The following GRAMD4 variants were observed in gnomAD, a reference collection of about 807,000 sequenced individuals.
The protein encoded by GRAMD4 is GRAM domain-containing protein 4.
In GRAMD4, 25 loss-of-function variants were observed where a neutral mutation model predicts 83.9. The observed-to-expected ratio is 0.30, with a 90% CI of 0.22 to 0.42. The LOEUF is 0.42. GRAMD4 is among the 10% of genes least tolerant of loss of function. GRAMD4 has a pLI of 1.00. For missense variants in GRAMD4, 593 were observed against 788.7 expected (o/e 0.75, Z 2.97); for synonymous variants, 336 against 320.9 (o/e 1.05, Z -0.50).
At chr22:46,682,661 T>G (rs182353809), downstream of GRAMD4, among the ~76,000 whole-genome samples, 54 of 152,374 alleles carry the variant, frequency 3.5e-4, no homozygotes, top group African/African-American at 1.2e-3. Context: ...AGTGTTGCCT[T>G]TATCGCGAAC....
rs540847229 is a variant in GRAMD4 at position 46,665,541 on chromosome 22, G to C, written c.718-74G>C. On this transcript the variant is annotated intron_variant, in intron 8 of 18. Coordinates refer to ENST00000406902, the MANE Select transcript of GRAMD4 (RefSeq NM_015124.5). ...TCTCCCCACTGGGGCCGCCTGGTGG[G>C]GGGAGGCGGGAGGGATGTGCCTTGT... The C allele has an allele frequency of 3.6e-5, 29 of 797,798 alleles. No homozygotes were observed. The African/African-American group carries it at 4.4e-4, about 12-fold the overall frequency. 49.4% of individuals were successfully genotyped at this position (797,798 alleles called of 1,614,324 possible). A position where few individuals can be genotyped will look rare whatever the true frequency, so the allele number is the denominator to read the frequency against.
chr22:46,654,965 A>G (rs979518250), intron 3 of GRAMD4, among the ~76,000 whole-genome samples: 1 of 152,192 alleles, frequency 6.6e-6, no homozygotes, highest in South Asian at 2.1e-4. Context: ...CATGTCCCCA[A>G]GAGGAAAGAG....
intron 3 of GRAMD4, among the ~76,000 whole-genome samples, chr22:46,641,576 C>G (rs946583546): frequency 1.3e-5 from 2 of 152,112 alleles, no homozygotes; most frequent in African/African-American, 4.8e-5. Flanking sequence ...CTTGGTAGAC[C>G]AGGTCACCTG....
intron 13 of GRAMD4, 76 bp downstream of exon 13, chr22:46,668,984 G>T (rs1356104794): frequency 3.7e-6 from 3 of 817,198 alleles, no homozygotes; most frequent in Non-Finnish European, 6.3e-6. Context: ...TGTCTGCCAG[G>T]TGTCTGCAAG....
intron 5 of GRAMD4, among the ~76,000 whole-genome samples, chr22:46,661,965 A>G (rs1455906432): frequency 6.6e-6 from 1 of 152,176 alleles, no homozygotes; most frequent in Non-Finnish European, 1.5e-5. Context: ...AGTTCCCTGT[A>G]CCTGGGGGTC....
chr22:46,578,880 TCG>T (rs1264974717), intron 1 of GRAMD4, among the ~76,000 whole-genome samples: 1 of 152,190 alleles, frequency 6.6e-6, no homozygotes, highest in East Asian at 1.9e-4. Context: ...GGGGCAGACC[TCG>T]AAGCCCCACA....
chr22:46,663,587 C>G (rs949065508), intron 6 of GRAMD4, among the ~76,000 whole-genome samples: 1 of 152,238 alleles, frequency 6.6e-6, no homozygotes, highest in Non-Finnish European at 1.5e-5. Flanking sequence ...GGGACACAGG[C>G]AGGAGATGAG....
intron 1 of GRAMD4, among the ~76,000 whole-genome samples, chr22:46,607,241 T>C (rs2081374727): frequency 6.6e-6 from 1 of 152,020 alleles, no homozygotes. Context: ...AAATACCTAA[T>C]GTAAATGACG....
chr22:46,611,668 T>A (rs1278680695), intron 1 of GRAMD4, among the ~76,000 whole-genome samples: 2 of 151,912 alleles, frequency 1.3e-5, no homozygotes, highest in African/African-American at 4.8e-5. Flanking sequence ...GAACTGTTGG[T>A]GACATTATTT....
chr22:46,576,752 T>C (rs1181974891), upstream of GRAMD4, among the ~76,000 whole-genome samples: 1 of 148,792 alleles, frequency 6.7e-6, no homozygotes, highest in Admixed American at 6.7e-5. Context: ...AGGCGGGCGG[T>C]CCCGCGGGGC....
At position 46,667,950 on chromosome 22, in the gene GRAMD4, C is replaced by T. The variant is rs927367200; in HGVS notation, c.859-146C>T. ...AGCCCATAGGGGTGTCCTCCTGGTG[C>T]CAGGTCCCCAAGGGATGTCCCATCC... On this transcript the variant is annotated intron_variant, in intron 10 of 18. Coordinates refer to ENST00000406902, the MANE Select transcript of GRAMD4 (RefSeq NM_015124.5). 27 of 630,906 alleles carry T rather than the reference C, an allele frequency of 4.3e-5. No individual in the cohort carries two copies. In the Admixed American group the frequency reaches 5.5e-4, roughly 13 times the overall value. The allele number at this position is 630,906 out of a possible 1,614,324, so 39.1% of individuals were successfully genotyped here. A position where few individuals can be genotyped will look rare whatever the true frequency, so the allele number is the denominator to read the frequency against.
chr22:46,599,135 A>G (rs1056217770), intron 1 of GRAMD4, among the ~76,000 whole-genome samples: 11 of 151,900 alleles, frequency 7.2e-5, no homozygotes, highest in African/African-American at 2.7e-4. Context: ...CAAGAAGTAG[A>G]TTTTTGGAGC....
chr22:46,576,799 G>T (rs2081045638), upstream of GRAMD4, among the ~76,000 whole-genome samples: 3 of 149,794 alleles, frequency 2.0e-5, no homozygotes, highest in Non-Finnish European at 4.5e-5. Context: ...GCTCCCGCGG[G>T]TGAGCCCGTG....
At chr22:46,595,741 C>A (rs1190754459) in intron 1 of GRAMD4, among the ~76,000 whole-genome samples, 1 of 152,258 alleles carries the variant, frequency 6.6e-6, no homozygotes, top group Non-Finnish European at 1.5e-5. Flanking sequence ...TGGGGACACC[C>A]AGAGAACCAC....
At position 46,668,921 on chromosome 22, in the gene GRAMD4, A is replaced by C; in HGVS notation, c.1084+13A>C. On this transcript the variant is annotated intron_variant, in intron 13 of 18. Coordinates refer to ENST00000406902, the MANE Select transcript of GRAMD4 (RefSeq NM_015124.5). ...GGGCTTGCCGTGGGTAAGTAGATGC[A>C]CCTGCGGCCTGTAGCTTCAGGAGGA... 1 of 1,454,710 alleles carries C rather than the reference A, an allele frequency of 6.9e-7. No individual in the cohort carries two copies. Among genetic ancestry groups the C allele is most frequent in the Non-Finnish European group, 9.6e-7 (1 of 1,038,114 alleles). The allele number at this position is 1,454,710 out of a possible 1,614,324, so 90.1% of individuals were successfully genotyped here.
At chr22:46,673,136 G>GTT in intron 14 of GRAMD4, 139 bp downstream of exon 14, 9 of 680,256 alleles carry the variant, frequency 1.3e-5, no homozygotes, top group African/African-American at 1.8e-5. Context: ...AAACTTGAGG[G>GTT]TTTTTTTTTT....
intron 1 of GRAMD4, among the ~76,000 whole-genome samples, chr22:46,582,161 T>A (rs1196311639): frequency 6.6e-6 from 1 of 152,024 alleles, no homozygotes; most frequent in Non-Finnish European, 1.5e-5. Flanking sequence ...CTGCCCTCTG[T>A]GAAGTGAGGT....
chr22:46,643,940 G>A (rs1030995980), intron 3 of GRAMD4, among the ~76,000 whole-genome samples: 1 of 152,100 alleles, frequency 6.6e-6, no homozygotes, highest in South Asian at 2.1e-4. Context: ...CAGAGAAGTC[G>A]AGTTTGTCTC....
intron 1 of GRAMD4, among the ~76,000 whole-genome samples, chr22:46,610,493 G>A (rs1328416431): frequency 1.3e-5 from 2 of 152,242 alleles, no homozygotes; most frequent in African/African-American, 2.4e-5. Flanking sequence ...GAGGCCGTGT[G>A]GCCTGCTGGG....
Sources: gnomAD v4.1 joint callset for allele counts (sites outside exome capture counted in the v4.1 genomes callset) on GRCh38, gnomAD v4.1.1 for gene constraint, MANE v1.5 for transcripts, NCBI Gene and HGNC (gene_info 2026-07-23, HGNC 2026-07-21) for gene names.